The following MAGI2 variants were observed in gnomAD, a reference collection of about 807,000 sequenced individuals.
MAGI2 encodes membrane associated guanylate kinase, WW and PDZ domain containing 2.
A neutral mutation model predicts 133.3 loss-of-function variants in MAGI2; 35 were observed. The observed-to-expected ratio is 0.26, with a 90% CI of 0.20 to 0.35. The LOEUF is 0.35. Among genes scored for constraint, MAGI2 ranks in the 10% least tolerant of loss-of-function variants. MAGI2 has a pLI of 1.00. For synonymous variants in MAGI2, 729 were observed against 710.6 expected (o/e 1.03, Z -0.41); for missense variants, 1,636 against 1,863.4 (o/e 0.88, Z 2.25).
At chr7:79,304,874 G>A (rs1219444021) in intron 1 of MAGI2, among the ~76,000 whole-genome samples, 1 of 152,160 alleles carries the variant, frequency 6.6e-6, no homozygotes, top group Non-Finnish European at 1.5e-5. Context: ...CCTGAGCCAT[G>A]TGGTTAGGGA....
chr7:79,328,986 C>T (rs993014351), intron 1 of MAGI2, among the ~76,000 whole-genome samples: 9 of 152,248 alleles, frequency 5.9e-5, no homozygotes, highest in South Asian at 2.1e-4. Flanking sequence ...GGCCCTACTG[C>T]GGATCTACTG....
chr7:79,230,419 G>C (rs898398275), intron 1 of MAGI2, among the ~76,000 whole-genome samples: 5 of 151,522 alleles, frequency 3.3e-5, no homozygotes, highest in Non-Finnish European at 7.4e-5. Context: ...CAGTGTAAAA[G>C]TGTTCCTATT....
intron 2 of MAGI2, among the ~76,000 whole-genome samples, chr7:78,842,445 A>G (rs1584112121): frequency 6.6e-6 from 1 of 152,112 alleles, no homozygotes; most frequent in East Asian, 1.9e-4. Flanking sequence ...TCTGAATTCT[A>G]TATGGCAATG....
intron 3 of MAGI2, among the ~76,000 whole-genome samples, chr7:78,554,294 C>T (rs889565163): frequency 1.3e-5 from 2 of 152,166 alleles, no homozygotes; most frequent in African/African-American, 4.8e-5. Context: ...TGTGAAAGTG[C>T]TCCATGGGGC....
At chr7:78,693,267 G>A (rs944777302) in intron 2 of MAGI2, among the ~76,000 whole-genome samples, 4 of 152,036 alleles carry the variant, frequency 2.6e-5, no homozygotes, top group African/African-American at 9.7e-5. Context: ...ATAGTGCTGG[G>A]GACAAATCAG....
chr7:78,669,217 A>C (rs2151066534), intron 2 of MAGI2, among the ~76,000 whole-genome samples: 1 of 152,296 alleles, frequency 6.6e-6, no homozygotes, highest in South Asian at 2.1e-4. Flanking sequence ...AAATAGATGA[A>C]ATAAAAAATG....
In MAGI2 at chr7:78,923,333, C is replaced by T. The variant is rs199677724; in HGVS notation, c.418+83757G>A. 2.6e-3 allele frequency among the ~76,000 whole-genome samples: 401 copies of T among 152,194 alleles called. 2 individuals carry two copies. The highest frequency in any genetic ancestry group is 3.8e-3 in the Non-Finnish European group (256 of 68,020). On this transcript the variant is annotated intron_variant, in intron 2 of 21. Coordinates refer to ENST00000354212, the MANE Select transcript of MAGI2 (RefSeq NM_012301.4). ...AGGGTTTTTATGGTTTTAGGTCTAA[C>T]GTTTAAGTCTTTAATCCATCTTGAA...
chr7:78,352,155 T>C (rs1040811593), intron 7 of MAGI2, among the ~76,000 whole-genome samples: 1 of 152,218 alleles, frequency 6.6e-6, no homozygotes, highest in African/African-American at 2.4e-5. Flanking sequence ...CGCATATTTA[T>C]TTCCCAAAGT....
chr7:78,697,869 A>G (rs1471318472), intron 2 of MAGI2, among the ~76,000 whole-genome samples: 1 of 152,104 alleles, frequency 6.6e-6, no homozygotes, highest in Non-Finnish European at 1.5e-5. Context: ...TCTGAGATAT[A>G]CTATAGTTAT....
chr7:79,446,938 C>T (rs984182038), intron 1 of MAGI2, among the ~76,000 whole-genome samples: 5 of 151,686 alleles, frequency 3.3e-5, no homozygotes, highest in African/African-American at 9.7e-5. Flanking sequence ...GACGACAGAG[C>T]GAGACTCCGT....
At chr7:79,261,896 T>A (rs1834119317) in intron 1 of MAGI2, among the ~76,000 whole-genome samples, 1 of 152,196 alleles carries the variant, frequency 6.6e-6, no homozygotes, top group Non-Finnish European at 1.5e-5. Flanking sequence ...TGGGAAACTC[T>A]TACCCCAAAA....
intron 1 of MAGI2, among the ~76,000 whole-genome samples, chr7:79,096,751 A>G (rs1244208680): frequency 1.3e-5 from 2 of 152,018 alleles, no homozygotes; most frequent in Non-Finnish European, 2.9e-5. Flanking sequence ...AAACACAGCA[A>G]CTCAACTGTA....
At chr7:78,165,185 T>A (rs1369818450) in intron 15 of MAGI2, among the ~76,000 whole-genome samples, 1 of 152,180 alleles carries the variant, frequency 6.6e-6, no homozygotes, top group East Asian at 1.9e-4. Context: ...GTTTATCTTC[T>A]GATTGGAAAT....
At chr7:78,724,380 T>C (rs1229436396) in intron 2 of MAGI2, among the ~76,000 whole-genome samples, 2 of 152,118 alleles carry the variant, frequency 1.3e-5, no homozygotes, top group East Asian at 3.9e-4. Flanking sequence ...CAGATGAAAG[T>C]GCAAGGGATT....
chr7:78,774,803 G>A (rs1013624324), intron 2 of MAGI2, among the ~76,000 whole-genome samples: 4 of 152,160 alleles, frequency 2.6e-5, no homozygotes, highest in African/African-American at 9.7e-5. Flanking sequence ...GAGACTAAAG[G>A]TCCCAGATGC....
rs200747288 is a variant in MAGI2, at chr7:78,592,340, A to ATTT, written c.538+34777_538+34779dup. Among the ~76,000 whole-genome samples the ATTT allele has an allele frequency of 5.9e-3, 865 of 147,378 alleles. 5 individuals carry two copies. The highest frequency in any genetic ancestry group is 7.3e-3 in the Non-Finnish European group (490 of 67,008). On this transcript the variant is annotated intron_variant, in intron 3 of 21. Transcript: ENST00000354212. The stretch of plus-strand genomic sequence containing the variant: ...AGGACCAGAGAGTAAATAGTAGACT[A>ATTT]TTTTTTTTTTTTTCCTGTAAAGGAC...
Position 79,453,525 on chromosome 7 carries a change from T to C in MAGI2, c.-205A>G. ...GATGAGAGGGACGGCTGGGCAGAGG[T>C]AGGAGAGCTTGGATGAGGTTGTGCT... On this transcript the variant is annotated 5_prime_UTR_variant, in exon 1 of 22. Coordinates refer to ENST00000354212, the MANE Select transcript of MAGI2 (RefSeq NM_012301.4). 3 of 1,376,508 alleles carry C rather than the reference T, an allele frequency of 2.2e-6. No homozygotes were observed. Among genetic ancestry groups the C allele is most frequent in the Non-Finnish European group, 2.8e-6 (3 of 1,069,266 alleles). 85.3% of individuals were successfully genotyped at this position (1,376,508 alleles called of 1,614,324 possible).
intron 2 of MAGI2, among the ~76,000 whole-genome samples, chr7:78,763,753 G>A (rs941584686): frequency 1.3e-5 from 2 of 152,102 alleles, no homozygotes; most frequent in Non-Finnish European, 2.9e-5. Flanking sequence ...ACTTTTCATA[G>A]GCTTTAACAA....
rs71085520 is a variant in MAGI2, at chr7:78,298,810, G to GTTT, written c.1409-42232_1409-42230dup. Among the ~76,000 whole-genome samples, 170 of 79,608 alleles carry GTTT rather than the reference G, an allele frequency of 2.1e-3. 5 individuals carry two copies. The highest frequency in any genetic ancestry group is 2.4e-3 in the African/African-American group (36 of 15,136). The allele number at this position is 79,608 out of a possible 152,430, so 52.2% of individuals were successfully genotyped here. ...ATGAGCCACCACACCTGGCCTAAAC[G>GTTT]TTTTTTTTTTTTTTTTTTTTTTTGA... On this transcript the variant is annotated intron_variant, in intron 9 of 21. Coordinates refer to ENST00000354212, the MANE Select transcript of MAGI2 (RefSeq NM_012301.4).
Sources: allele counts gnomAD v4.1 joint callset (sites outside exome capture counted in the v4.1 genomes callset), GRCh38; gene constraint gnomAD v4.1.1; transcripts MANE v1.5; gene names NCBI Gene and HGNC (gene_info 2026-07-23, HGNC 2026-07-21).